The following TBC1D32 variants were observed in gnomAD, a reference collection of about 807,000 sequenced individuals.
TBC1D32 encodes TBC1 domain family member 32.
TBC1D32 carries 151 observed loss-of-function variants against 170.3 expected under a neutral mutation model. The observed-to-expected ratio is 0.89, with a 90% CI of 0.78 to 1.01. TBC1D32 has a LOEUF of 1.01. Ranked by LOEUF, TBC1D32 falls within the 50% of genes least tolerant of loss-of-function variation. The pLI is 0.00. For synonymous variants in TBC1D32, 498 were observed against 488.0 expected, an observed-to-expected ratio of 1.02 and a Z score of -0.27; for missense variants, 1,464 against 1,457.1, an observed-to-expected ratio of 1.00 and a Z score of -0.08.
At position 121,303,690 on chromosome 6, in the gene TBC1D32, G is replaced by A; in HGVS notation, c.1007C>T (p.Ser336Leu). Residue 336 changes from serine (S) to leucine (L), a missense_variant, in exon 9 of 32, where the codon TCA becomes TTA. Physicochemically the swap from Ser to Leu is moderately radical, Grantham distance 145. Transcript: ENST00000398212. ...TVKHNQSHVVSQKILDPIYFF... is the reference protein window; with the variant it reads ...TVKHNQSHVVLQKILDPIYFF... ...GTAGATCGGATCCAAAATCTTTTGT[G>A]AGACAACATGGCTTTGATTATGTTT... The A allele has an allele frequency of 6.3e-7, 1 of 1,596,116 alleles. No homozygotes were observed. The highest frequency in any genetic ancestry group is 8.6e-7 in the Non-Finnish European group (1 of 1,168,120).
intron 22 of TBC1D32, among the ~76,000 whole-genome samples, chr6:121,173,897 T>C (rs752983854): frequency 2.9e-5 from 4 of 136,188 alleles, no homozygotes; most frequent in Non-Finnish European, 4.7e-5. Flanking sequence ...AGAAGTACCA[T>C]ACAAAGGTGC....
rs1035577483 is a variant in TBC1D32, at chr6:121,248,244, A to T, written c.2019-5905T>A. 2.6e-5 allele frequency among the ~76,000 whole-genome samples: 4 copies of T among 152,068 alleles called. No individual in the cohort carries two copies. The East Asian group carries it at 7.7e-4, about 29-fold the overall frequency. ...TTATAGTTTAACAAAATCAACATAG[A>T]TATTAAAAAATCATTTGAAATAAAT... On this transcript the variant is annotated intron_variant, in intron 17 of 31. Coordinates refer to ENST00000398212, the MANE Select transcript of TBC1D32 (RefSeq NM_152730.6).
chr6:121,136,852 T>C (rs958195664), intron 24 of TBC1D32, among the ~76,000 whole-genome samples: 1 of 152,160 alleles, frequency 6.6e-6, no homozygotes, highest in Non-Finnish European at 1.5e-5. Flanking sequence ...TAAACAAGTA[T>C]GTGTATAATT....
chr6:121,149,397 C>T (rs571110246), intron 24 of TBC1D32, among the ~76,000 whole-genome samples: 2 of 152,262 alleles, frequency 1.3e-5, no homozygotes, highest in East Asian at 3.9e-4. Context: ...TTAAGTCTTA[C>T]ATTTAAATCT....
At position 121,242,421 on chromosome 6, in the gene TBC1D32, C is replaced by T. The variant is rs546548761; in HGVS notation, c.2019-82G>A. ...AAGAGTATGTCTTAGCTGAGCTTAA[C>T]CCTGTTTACAATTAAAGTTACACAG... On this transcript the variant is annotated intron_variant, in intron 17 of 31. Transcript: ENST00000398212. 1,405 of 1,376,480 alleles carry T rather than the reference C, an allele frequency of 1.0e-3. 8 individuals are homozygous for T. The highest frequency in any genetic ancestry group is 5.5e-4 in the Non-Finnish European group (544 of 993,864). The allele number at this position is 1,376,480 out of a possible 1,614,324, so 85.3% of individuals were successfully genotyped here. A position where few individuals can be genotyped will look rare whatever the true frequency, so the allele number is the denominator to read the frequency against.
chr6:121,202,155 T>C (rs1263822216), intron 22 of TBC1D32, among the ~76,000 whole-genome samples: 2 of 150,618 alleles, frequency 1.3e-5, no homozygotes, highest in Non-Finnish European at 2.9e-5. Context: ...ATATAAATGA[T>C]ATTTAAAGGC....
In TBC1D32 at chr6:121,085,367, A is replaced by ATATG. The variant is rs1554222630; in HGVS notation, c.3655-4481_3655-4478dup. On this transcript the variant is annotated intron_variant, in intron 31 of 31. Transcript: ENST00000398212. ...TATACATACATATATATACATATAT[A>ATATG]TATGTGTATATATATATATATATTC... 1.2e-4 allele frequency among the ~76,000 whole-genome samples: 12 copies of ATATG among 100,682 alleles called. No homozygotes were observed. The East Asian group carries it at 2.8e-3, about 23-fold the overall frequency. The allele number at this position is 100,682 out of a possible 152,430, so 66.1% of individuals were successfully genotyped here. A position where few individuals can be genotyped will look rare whatever the true frequency, so the allele number is the denominator to read the frequency against.
chr6:121,140,476 T>G (rs1392412057), intron 24 of TBC1D32, among the ~76,000 whole-genome samples: 4 of 152,028 alleles, frequency 2.6e-5, no homozygotes, highest in Non-Finnish European at 5.9e-5. Context: ...AAGATTTTAA[T>G]ATTATTTGGT....
intron 30 of TBC1D32, among the ~76,000 whole-genome samples, chr6:121,092,804 T>C (rs1047011846): frequency 3.3e-5 from 5 of 152,162 alleles, no homozygotes; most frequent in African/African-American, 1.2e-4. Context: ...ACTTAATTAC[T>C]TCTTTAAAGG....
At chr6:121,205,617 A>G (rs1792149782) in intron 21 of TBC1D32, among the ~76,000 whole-genome samples, 2 of 152,220 alleles carry the variant, frequency 1.3e-5, no homozygotes, top group Admixed American at 6.5e-5. Flanking sequence ...TTTTCTCAAT[A>G]GAGACTATCT....
intron 1 of TBC1D32, among the ~76,000 whole-genome samples, chr6:121,326,200 A>C (rs942421223): frequency 6.6e-6 from 1 of 152,178 alleles, no homozygotes; most frequent in Non-Finnish European, 1.5e-5. Flanking sequence ...TAAAGCTAAG[A>C]AAAACACAAT....
intron 20 of TBC1D32, among the ~76,000 whole-genome samples, chr6:121,234,575 A>C (rs1422041232): frequency 6.6e-6 from 1 of 151,808 alleles, no homozygotes; most frequent in Non-Finnish European, 1.5e-5. Flanking sequence ...GATTGTTCTT[A>C]ATTTGTGCTC....
intron 22 of TBC1D32, among the ~76,000 whole-genome samples, chr6:121,168,712 T>TA (rs59283869): frequency 0.053 from 5,002 of 93,784 alleles, 307 homozygotes; most frequent in African/African-American, 0.16. Flanking sequence ...TAGAGTATAA[T>TA]AAAAAAAAAA....
intron 17 of TBC1D32, among the ~76,000 whole-genome samples, chr6:121,254,180 C>T (rs867777029): frequency 9.9e-5 from 15 of 152,104 alleles, no homozygotes. Flanking sequence ...TAAGTGGGAG[C>T]TAAGCTCTGA....
At chr6:121,260,083 G>A in intron 15 of TBC1D32, among the ~76,000 whole-genome samples, 1 of 152,048 alleles carries the variant, frequency 6.6e-6, no homozygotes, top group East Asian at 1.9e-4. Context: ...AAGAACAAAG[G>A]AGAAACCAAA....
chr6:121,126,762 A>G (rs1049633695), intron 25 of TBC1D32, among the ~76,000 whole-genome samples: 2 of 152,112 alleles, frequency 1.3e-5, no homozygotes, highest in African/African-American at 4.8e-5. Context: ...GAAAAAAAAA[A>G]TCACTAATTA....
intron 22 of TBC1D32, among the ~76,000 whole-genome samples, chr6:121,188,499 G>C (rs1789509656): frequency 6.6e-6 from 1 of 151,972 alleles, no homozygotes; most frequent in African/African-American, 2.4e-5. Flanking sequence ...AGAGAGAGAA[G>C]GAGAGCCAAT....
rs1237894165 is a variant in TBC1D32 at position 121,102,953 on chromosome 6, CATTT to C, written c.3465+3066_3465+3069del. ...TGAACAGACACTTCTCAAAAGAAGA[CATTT>C]ATGCAGCCAACAGACACATGAAAAA... On this transcript the variant is annotated intron_variant, in intron 30 of 31. Coordinates refer to ENST00000398212, the MANE Select transcript of TBC1D32 (RefSeq NM_152730.6). 2.6e-5 allele frequency among the ~76,000 whole-genome samples: 4 copies of C among 152,144 alleles called. 1 individual carries two copies. Among genetic ancestry groups the C allele is most frequent in the African/African-American group, 9.7e-5 (4 of 41,432 alleles).
intron 20 of TBC1D32, among the ~76,000 whole-genome samples, chr6:121,230,912 A>G (rs897851830): frequency 5.9e-5 from 9 of 152,182 alleles, no homozygotes; most frequent in Non-Finnish European, 1.2e-4. Flanking sequence ...CCCTGTACCC[A>G]GTGTGTAGTC....
Sources: allele counts gnomAD v4.1 joint callset (sites outside exome capture counted in the v4.1 genomes callset), GRCh38; gene constraint gnomAD v4.1.1; transcripts MANE v1.5; gene names NCBI Gene and HGNC (gene_info 2026-07-23, HGNC 2026-07-21).